JAM3: variants seen among roughly 807,000 people sequenced by gnomAD.
JAM3 encodes junctional adhesion molecule 3.
JAM3 carries 31 observed loss-of-function variants against 39.4 expected under a neutral mutation model. The observed-to-expected ratio is 0.79, with a 90% CI of 0.59 to 1.06. The LOEUF (loss-of-function observed/expected upper bound fraction) is 1.06. Ranked by LOEUF, JAM3 falls within the 50% of genes least tolerant of loss-of-function variation. The probability of loss-of-function intolerance (pLI) is 0.00; values close to 1 mark genes in which losing one functional copy is unlikely to be tolerated. For synonymous variants in JAM3, 182 were observed against 148.7 expected, an observed-to-expected ratio of 1.22 and a Z score of -1.63; for missense variants, 455 against 391.4, an observed-to-expected ratio of 1.16 and a Z score of -1.37.
At chr11:134,069,606 C>T (rs993215261) in intron 1 of JAM3, among the ~76,000 whole-genome samples, 1 of 152,064 alleles carries the variant, frequency 6.6e-6, no homozygotes, top group South Asian at 2.1e-4. Context: ...GCGGTGGGCT[C>T]GTCCCCGGGG....
intron 1 of JAM3, among the ~76,000 whole-genome samples, chr11:134,094,595 T>C (rs1359031554): frequency 6.6e-6 from 1 of 150,902 alleles, no homozygotes; most frequent in Non-Finnish European, 1.5e-5. Context: ...CCACCTTACA[T>C]GTCACTTCCT....
At chr11:134,077,433 G>T (rs1349244240) in intron 1 of JAM3, among the ~76,000 whole-genome samples, 3 of 148,856 alleles carry the variant, frequency 2.0e-5, no homozygotes, top group Admixed American at 6.8e-5. Context: ...GCGTGATCTC[G>T]GCTCACTGCA....
chr11:134,133,037 TG>T (rs2120824791), intron 1 of JAM3, among the ~76,000 whole-genome samples: 1 of 152,330 alleles, frequency 6.6e-6, no homozygotes, highest in East Asian at 1.9e-4. Context: ...TAAGAAGAGT[TG>T]ATTTTCAGGT....
intron 6 of JAM3, 100 bp from the exon 7 acceptor site, chr11:134,148,447 A>C: frequency 6.6e-7 from 1 of 1,520,694 alleles, no homozygotes; most frequent in South Asian, 1.1e-5. Flanking sequence ...GCAGGGGGCA[A>C]GTGGGTTTGG....
chr11:134,096,491 A>G (rs1591779468), intron 1 of JAM3, among the ~76,000 whole-genome samples: 2 of 152,302 alleles, frequency 1.3e-5, no homozygotes, highest in East Asian at 1.9e-4. Flanking sequence ...GCCAGTACAT[A>G]GTAGTGTTTT....
At chr11:134,144,440 A>G in intron 4 of JAM3, 47 bp downstream of exon 4, 1 of 1,604,568 alleles carries the variant, frequency 6.2e-7, no homozygotes, top group Non-Finnish European at 8.5e-7. Context: ...AGGATGCAAG[A>G]GATCAGTTAG....
At chr11:134,073,452 A>T (rs1941514675) in intron 1 of JAM3, among the ~76,000 whole-genome samples, 1 of 152,200 alleles carries the variant, frequency 6.6e-6, no homozygotes, top group Admixed American at 6.5e-5. Flanking sequence ...CTTCCTGAAA[A>T]TTATTGCCAA....
At chr11:134,133,145 C>T (rs1942799303) in intron 1 of JAM3, among the ~76,000 whole-genome samples, 1 of 152,148 alleles carries the variant, frequency 6.6e-6, no homozygotes, top group African/African-American at 2.4e-5. Context: ...GGTTTTGTAT[C>T]CTGCAGCCTT....
At chr11:134,114,749 T>G (rs1438249674) in intron 1 of JAM3, among the ~76,000 whole-genome samples, 1 of 152,226 alleles carries the variant, frequency 6.6e-6, no homozygotes, top group Non-Finnish European at 1.5e-5. Context: ...TATTGTGATT[T>G]GTTTTATGGC....
At chr11:134,072,473 A>AT (rs1223420018) in intron 1 of JAM3, among the ~76,000 whole-genome samples, 1 of 152,132 alleles carries the variant, frequency 6.6e-6, no homozygotes, top group Non-Finnish European at 1.5e-5. Flanking sequence ...TGCCTGACTA[A>AT]TTTTTTTATT....
chr11:134,149,449 G>C lies in JAM3; in HGVS notation c.*268G>C, dbSNP rs899537254. On this transcript the variant is annotated 3_prime_UTR_variant, in exon 9 of 9. Coordinates refer to ENST00000299106, the MANE Select transcript of JAM3 (RefSeq NM_032801.5). ...GAGTTGGGTTCCTAATCTGTTTCTGGCCTGATTCCCGCATGAGTATTAGGG... is the reference window on the plus strand; with the variant it reads ...GAGTTGGGTTCCTAATCTGTTTCTGCCCTGATTCCCGCATGAGTATTAGGG... 5.1e-6 allele frequency: 3 copies of C among 589,936 alleles called. No individual in the cohort carries two copies. Among genetic ancestry groups the C allele is most frequent in the Non-Finnish European group, 9.1e-6 (3 of 328,568 alleles). 36.5% of individuals were successfully genotyped at this position (589,936 alleles called of 1,614,324 possible).
chr11:134,121,030 C>T (rs1942521797), intron 1 of JAM3, among the ~76,000 whole-genome samples: 1 of 152,160 alleles, frequency 6.6e-6, no homozygotes, highest in Non-Finnish European at 1.5e-5. Flanking sequence ...CTGGGTCTGG[C>T]CCCCACAGAA....
intron 5 of JAM3, 112 bp downstream of exon 5, chr11:134,145,106 C>G (rs910958964): frequency 3.3e-6 from 3 of 905,642 alleles, no homozygotes; most frequent in African/African-American, 1.6e-5. Context: ...AGACAGGAGT[C>G]AAAAATCTAG....
chr11:134,091,479 A>G (rs1339224993), intron 1 of JAM3, among the ~76,000 whole-genome samples: 1 of 151,932 alleles, frequency 6.6e-6, no homozygotes, highest in Non-Finnish European at 1.5e-5. Flanking sequence ...AACCTGGGTG[A>G]CAGAGCAAGA....
At chr11:134,114,179 C>G (rs1028741028) in intron 1 of JAM3, among the ~76,000 whole-genome samples, 8 of 152,172 alleles carry the variant, frequency 5.3e-5, no homozygotes, top group Non-Finnish European at 8.8e-5. Flanking sequence ...TTTTGCTGTG[C>G]AGAAGCTCTT....
rs1003636208 is a variant in JAM3 at position 134,081,669 on chromosome 11, A to G, written c.76+12510A>G. ...AGTTTGCTGCAGGGGTGGGGCTCTC[A>G]TAGAGATCATCTGCTAGGGCAGTGC... On this transcript the variant is annotated intron_variant, in intron 1 of 8. Coordinates refer to ENST00000299106, the MANE Select transcript of JAM3 (RefSeq NM_032801.5). Among the ~76,000 whole-genome samples the G allele has an allele frequency of 2.6e-5, 4 of 152,212 alleles. No individual in the cohort carries two copies. The East Asian group carries it at 7.7e-4, about 29-fold the overall frequency.
At chr11:134,146,740 T>C (rs627592) in intron 6 of JAM3, among the ~76,000 whole-genome samples, 4,687 of 152,150 alleles carry the variant, frequency 0.031, 252 homozygotes, top group East Asian at 0.25. Context: ...GCTAATTTTA[T>C]TTTTTGTAGA....
intron 8 of JAM3, 59 bp downstream of exon 8, chr11:134,148,877 C>T: frequency 6.4e-6 from 10 of 1,553,426 alleles, no homozygotes; most frequent in Non-Finnish European, 8.9e-6. Context: ...CAACATTCCC[C>T]CTTGGAAACC....
chr11:134,111,510 G>A (rs639165), intron 1 of JAM3, among the ~76,000 whole-genome samples: 59,957 of 151,878 alleles, frequency 0.39, 12,880 homozygotes, highest in African/African-American at 0.58. Flanking sequence ...AAATCCTAGT[G>A]TTAAAGAGGA....
Sources: gnomAD v4.1 joint callset for allele counts (sites outside exome capture counted in the v4.1 genomes callset) on GRCh38, gnomAD v4.1.1 for gene constraint, MANE v1.5 for transcripts, NCBI Gene and HGNC (gene_info 2026-07-23, HGNC 2026-07-21) for gene names.